RBFOX1: variants seen among roughly 807,000 people sequenced by gnomAD.
RBFOX1 encodes the protein RNA binding fox-1 homolog 1, also known as RNA binding protein fox-1 homolog 1.
RBFOX1 carries 8 observed loss-of-function variants against 57.7 expected under a neutral mutation model. The ratio of observed to expected loss-of-function variants is 0.14; its 90% CI spans 0.08 to 0.25. The LOEUF is 0.25. Ranked by LOEUF, RBFOX1 falls within the 10% of genes least tolerant of loss-of-function variation. RBFOX1 has a pLI of 1.00. For missense variants in RBFOX1, 611 were observed against 548.5 expected, an observed-to-expected ratio of 1.11 and a Z score of -1.14; for synonymous variants, 326 against 222.4, an observed-to-expected ratio of 1.47 and a Z score of -4.15.
rs1470176777 is a variant in RBFOX1 at position 7,420,579 on chromosome 16, T to G, written c.28-97568T>G. Among the ~76,000 whole-genome samples, 3 of 152,224 alleles carry G rather than the reference T, an allele frequency of 2.0e-5. No individual in the cohort carries two copies. In the East Asian group the frequency reaches 5.8e-4, roughly 29 times the overall value. ...CAAGAATATTGAATTATTTATTATTTGTATCTTTTTTTTTCTTTCCCTTTC... is the reference window on the plus strand; with the variant it reads ...CAAGAATATTGAATTATTTATTATTGGTATCTTTTTTTTTCTTTCCCTTTC... On this transcript the variant is annotated intron_variant, in intron 4 of 15. Transcript: ENST00000550418.
intron 4 of RBFOX1, among the ~76,000 whole-genome samples, chr16:5,910,719 A>G (rs1051514662): frequency 3.3e-5 from 5 of 152,192 alleles, no homozygotes; most frequent in Admixed American, 6.5e-5. Flanking sequence ...TAGGATGCCC[A>G]TCAACCGAAC....
At chr16:6,582,010 C>G (rs916685433) in intron 2 of RBFOX1, among the ~76,000 whole-genome samples, 4 of 152,166 alleles carry the variant, frequency 2.6e-5, no homozygotes, top group East Asian at 1.9e-4. Context: ...CTACCAGCAT[C>G]TAGTGGGAAA....
At chr16:6,101,914 G>C (rs1597325418) in intron 1 of RBFOX1, among the ~76,000 whole-genome samples, 1 of 152,058 alleles carries the variant, frequency 6.6e-6, no homozygotes, top group East Asian at 1.9e-4. Context: ...TATTTGGCCA[G>C]TCCACGAATA....
At chr16:5,844,620 G>A (rs2056705758) in intron 3 of RBFOX1, among the ~76,000 whole-genome samples, 1 of 152,130 alleles carries the variant, frequency 6.6e-6, no homozygotes, top group African/African-American at 2.4e-5. Context: ...AATAAGCAGT[G>A]TGTCACTTTT....
intron 2 of RBFOX1, among the ~76,000 whole-genome samples, chr16:6,384,290 G>C (rs2092083118): frequency 6.6e-6 from 1 of 151,980 alleles, no homozygotes; most frequent in Admixed American, 6.6e-5. Flanking sequence ...AATGTGATTT[G>C]AATCCAATCA....
intron 3 of RBFOX1, among the ~76,000 whole-genome samples, chr16:7,034,291 G>T (rs140926451): frequency 4.3e-4 from 65 of 152,254 alleles, no homozygotes; most frequent in Middle Eastern, 6.8e-3. Context: ...TACTGGGTAA[G>T]GTCCCTGTAA....
chr16:7,642,194 C>T (rs977368761), intron 11 of RBFOX1, among the ~76,000 whole-genome samples: 1 of 152,080 alleles, frequency 6.6e-6, no homozygotes, highest in African/African-American at 2.4e-5. Context: ...GATGGTAGTT[C>T]CTTAGTCTAT....
chr16:7,159,655 G>C (rs928377076), intron 4 of RBFOX1, among the ~76,000 whole-genome samples: 1 of 152,150 alleles, frequency 6.6e-6, no homozygotes, highest in Non-Finnish European at 1.5e-5. Flanking sequence ...GTTCTGGAGA[G>C]CGCACAATTT....
intron 4 of RBFOX1, among the ~76,000 whole-genome samples, chr16:7,449,198 G>C (rs1350359100): frequency 1.3e-5 from 2 of 151,892 alleles, no homozygotes; most frequent in Non-Finnish European, 2.9e-5. Flanking sequence ...CAAAGTGCTG[G>C]GATTACAGGC....
intron 3 of RBFOX1, among the ~76,000 whole-genome samples, chr16:5,854,601 C>G (rs1032592507): frequency 4.0e-5 from 6 of 151,820 alleles, no homozygotes; most frequent in African/African-American, 1.5e-4. Flanking sequence ...CACACACACA[C>G]ACACACATGC....
intron 3 of RBFOX1, among the ~76,000 whole-genome samples, chr16:6,707,680 A>G (rs137973779): frequency 1.1e-4 from 17 of 152,294 alleles, no homozygotes; most frequent in Admixed American, 2.6e-4. Context: ...CAAGCCCAGG[A>G]GAGTGATAGG....
intron 1 of RBFOX1, among the ~76,000 whole-genome samples, chr16:6,094,187 C>A (rs999606310): frequency 6.6e-6 from 1 of 152,170 alleles, no homozygotes; most frequent in African/African-American, 2.4e-5. Flanking sequence ...GGAGGAGATC[C>A]TCCCAAAATG....
At chr16:6,846,381 T>G (rs984856574) in intron 3 of RBFOX1, among the ~76,000 whole-genome samples, 3 of 152,188 alleles carry the variant, frequency 2.0e-5, no homozygotes, top group African/African-American at 7.2e-5. Flanking sequence ...GCAAGCTGTA[T>G]TGCTGAAAAG....
intron 4 of RBFOX1, among the ~76,000 whole-genome samples, chr16:7,151,011 A>C (rs1454982480): frequency 6.6e-6 from 1 of 152,204 alleles, no homozygotes; most frequent in Non-Finnish European, 1.5e-5. Context: ...GAAAGCAGAT[A>C]CGCTCCTTTC....
intron 3 of RBFOX1, among the ~76,000 whole-genome samples, chr16:6,957,392 A>G (rs772181846): frequency 4.0e-5 from 6 of 148,444 alleles, no homozygotes; most frequent in Non-Finnish European, 8.8e-5. Context: ...ATGTGCTGCG[A>G]CTCACGCTCA....
chr16:7,005,545 T>C (rs1483585040), intron 3 of RBFOX1, among the ~76,000 whole-genome samples: 4 of 152,190 alleles, frequency 2.6e-5, no homozygotes, highest in Admixed American at 2.6e-4. Context: ...GTAATTTTTA[T>C]CTTGAGAAAT....
At chr16:6,969,201 C>G (rs1025022412) in intron 3 of RBFOX1, among the ~76,000 whole-genome samples, 2 of 152,092 alleles carry the variant, frequency 1.3e-5, no homozygotes, top group Non-Finnish European at 2.9e-5. Context: ...CACTACATTC[C>G]CAGTCCTTCA....
chr16:6,838,834 C>G (rs4129925), intron 3 of RBFOX1, among the ~76,000 whole-genome samples: 16 of 152,046 alleles, frequency 1.1e-4, no homozygotes, highest in Non-Finnish European at 1.5e-4. Context: ...TTCTCAGGTG[C>G]TTCCCCGTCA....
At chr16:7,432,861 T>C (rs968155675) in intron 4 of RBFOX1, among the ~76,000 whole-genome samples, 5 of 152,212 alleles carry the variant, frequency 3.3e-5, no homozygotes, top group Admixed American at 1.3e-4. Flanking sequence ...GCATTCATGG[T>C]CATCTCTGTT....
Sources: allele counts gnomAD v4.1 joint callset (sites outside exome capture counted in the v4.1 genomes callset), GRCh38; gene constraint gnomAD v4.1.1; transcripts MANE v1.5; gene names NCBI Gene and HGNC (gene_info 2026-07-23, HGNC 2026-07-21).